HCN1: variants seen among roughly 807,000 people sequenced by gnomAD.
HCN1 encodes potassium/sodium hyperpolarization-activated cyclic nucleotide-gated channel 1.
In HCN1, 13 loss-of-function variants were observed where a neutral mutation model predicts 78.9. That is an observed-to-expected ratio of 0.16 (90% CI 0.11 to 0.26). The LOEUF (loss-of-function observed/expected upper bound fraction) is 0.26, where lower values mean the gene tolerates loss of function less well. Among genes scored for constraint, HCN1 ranks in the 10% least tolerant of loss-of-function variants. The probability of loss-of-function intolerance (pLI) is 1.00; values close to 1 mark genes in which losing one functional copy is unlikely to be tolerated. For missense variants in HCN1, 810 were observed against 1,154.3 expected (o/e 0.70, Z 4.32); for synonymous variants, 552 against 455.5 (o/e 1.21, Z -2.70).
chr5:45,521,159 T>G (rs1215109435), intron 2 of HCN1, among the ~76,000 whole-genome samples: 1 of 151,598 alleles, frequency 6.6e-6, no homozygotes, highest in Non-Finnish European at 1.5e-5. Flanking sequence ...GATAAATATA[T>G]AGAGAGAGCA....
At chr5:45,561,610 A>C (rs867562245) in intron 2 of HCN1, among the ~76,000 whole-genome samples, 7 of 147,890 alleles carry the variant, frequency 4.7e-5, no homozygotes, top group East Asian at 2.0e-4. Flanking sequence ...AAAAAAAAAA[A>C]CCCAGGTAAG....
chr5:45,273,086 G>A (rs1164806969), intron 6 of HCN1, among the ~76,000 whole-genome samples: 13 of 151,990 alleles, frequency 8.6e-5, no homozygotes, highest in South Asian at 8.3e-4. Flanking sequence ...ATCTGGATGC[G>A]TATTTACATA....
chr5:45,549,460 C>A (rs1253746056), intron 2 of HCN1, among the ~76,000 whole-genome samples: 1 of 152,138 alleles, frequency 6.6e-6, no homozygotes, highest in Non-Finnish European at 1.5e-5. Flanking sequence ...AAAGCTGAAA[C>A]TGGATCCCTT....
intron 1 of HCN1, among the ~76,000 whole-genome samples, chr5:45,650,624 A>G (rs1489372374): frequency 6.6e-6 from 1 of 152,020 alleles, no homozygotes; most frequent in African/African-American, 2.4e-5. Context: ...ATTATCACTA[A>G]TAAGTATAAT....
chr5:45,577,577 A>G (rs1186053909), intron 2 of HCN1, among the ~76,000 whole-genome samples: 1 of 152,102 alleles, frequency 6.6e-6, no homozygotes, highest in Non-Finnish European at 1.5e-5. Flanking sequence ...TCCCAATTTT[A>G]CAAAACATTT....
At chr5:45,425,247 A>G (rs923786527) in intron 3 of HCN1, among the ~76,000 whole-genome samples, 7 of 152,196 alleles carry the variant, frequency 4.6e-5, no homozygotes, top group African/African-American at 1.7e-4. Context: ...GCATCACTCA[A>G]TTAAGTACTT....
chr5:45,265,810 G>A (rs1744844505), intron 7 of HCN1, among the ~76,000 whole-genome samples: 2 of 152,128 alleles, frequency 1.3e-5, no homozygotes, highest in South Asian at 4.1e-4. Flanking sequence ...TGAATGTAAT[G>A]GTGAATTAAA....
intron 2 of HCN1, among the ~76,000 whole-genome samples, chr5:45,497,014 T>C (rs1252272898): frequency 6.6e-6 from 1 of 152,200 alleles, no homozygotes; most frequent in Non-Finnish European, 1.5e-5. Context: ...TGAGCGGCTT[T>C]GAGTGAGATT....
chr5:45,611,223 T>TGTA (rs1261763771), intron 2 of HCN1, among the ~76,000 whole-genome samples: 1 of 151,102 alleles, frequency 6.6e-6, no homozygotes, highest in Non-Finnish European at 1.5e-5. Flanking sequence ...CCTAACTTTT[T>TGTA]GTATTTTTTG....
intron 2 of HCN1, among the ~76,000 whole-genome samples, chr5:45,571,076 T>G (rs1169489003): frequency 6.6e-6 from 1 of 152,196 alleles, no homozygotes; most frequent in Non-Finnish European, 1.5e-5. Context: ...CTTCCATGTC[T>G]ACATTGGTTT....
intron 6 of HCN1, among the ~76,000 whole-genome samples, chr5:45,281,904 T>C (rs1013595469): frequency 1.3e-5 from 2 of 152,072 alleles, no homozygotes; most frequent in Non-Finnish European, 2.9e-5. Flanking sequence ...GCTCTTCTTT[T>C]TGGCTAGCTA....
At chr5:45,572,016 G>A (rs1277578473) in intron 2 of HCN1, among the ~76,000 whole-genome samples, 1 of 152,056 alleles carries the variant, frequency 6.6e-6, no homozygotes, top group Non-Finnish European at 1.5e-5. Flanking sequence ...TTTCTCTTTA[G>A]ACATTGTGGT....
At chr5:45,472,302 G>A (rs919200256) in intron 2 of HCN1, among the ~76,000 whole-genome samples, 3 of 151,830 alleles carry the variant, frequency 2.0e-5, no homozygotes, top group Admixed American at 1.3e-4. Flanking sequence ...GCCTCTCCAA[G>A]GAGAAAATTA....
intron 2 of HCN1, among the ~76,000 whole-genome samples, chr5:45,550,078 A>G (rs2111852390): frequency 6.6e-6 from 1 of 152,262 alleles, no homozygotes; most frequent in South Asian, 2.1e-4. Context: ...ACCATTGTGG[A>G]AGTCAGTGTG....
chr5:45,631,668 ACTCT>A (rs779581473), intron 2 of HCN1, among the ~76,000 whole-genome samples: 3 of 152,018 alleles, frequency 2.0e-5, no homozygotes, highest in South Asian at 2.1e-4. Flanking sequence ...CTCCAAGGAA[ACTCT>A]CTCCCAAATT....
chr5:45,404,661 A>T (rs1739884368), intron 3 of HCN1, among the ~76,000 whole-genome samples: 1 of 143,254 alleles, frequency 7.0e-6, no homozygotes, highest in Non-Finnish European at 1.5e-5. Context: ...TATTGTTACT[A>T]AATTTAGGGA....
chr5:45,497,413 T>G (rs895608137), intron 2 of HCN1, among the ~76,000 whole-genome samples: 2 of 152,244 alleles, frequency 1.3e-5, no homozygotes, highest in East Asian at 3.8e-4. Context: ...ATATTTAGCA[T>G]AGTTAGCTCT....
chr5:45,348,230 G>T (rs1746793404), intron 5 of HCN1, among the ~76,000 whole-genome samples: 1 of 152,164 alleles, frequency 6.6e-6, no homozygotes. Flanking sequence ...TTAAAGAAAA[G>T]AATTTTCAAC....
intron 3 of HCN1, among the ~76,000 whole-genome samples, chr5:45,406,171 A>G (rs1179169203): frequency 2.0e-5 from 3 of 152,152 alleles, no homozygotes; most frequent in Non-Finnish European, 4.4e-5. Flanking sequence ...ATTTGACATT[A>G]CTTAAATACT....
Sources: allele counts gnomAD v4.1 joint callset (sites outside exome capture counted in the v4.1 genomes callset), GRCh38; gene constraint gnomAD v4.1.1; transcripts MANE v1.5; gene names NCBI Gene and HGNC (gene_info 2026-07-23, HGNC 2026-07-21).